WDPCP: variants seen among roughly 807,000 people sequenced by gnomAD.
The protein encoded by WDPCP is WD repeat containing planar cell polarity effector, also known as WD repeat-containing and planar cell polarity effector protein fritz homolog.
Under a neutral mutation model 93.1 loss-of-function variants are expected in WDPCP, and 71 were observed. The ratio of observed to expected loss-of-function variants is 0.76; its 90% CI spans 0.63 to 0.93. The LOEUF (loss-of-function observed/expected upper bound fraction) is 0.93. Among genes scored for constraint, WDPCP ranks in the 40% least tolerant of loss-of-function variants. The pLI is 0.00. For synonymous variants in WDPCP, 315 were observed against 315.0 expected (o/e 1.00, Z 0.00); for missense variants, 844 against 887.4 (o/e 0.95, Z 0.62).
At chr2:63,572,156 C>A (rs536250498) in intron 1 of WDPCP, among the ~76,000 whole-genome samples, 1 of 152,186 alleles carries the variant, frequency 6.6e-6, no homozygotes, top group East Asian at 1.9e-4. Flanking sequence ...CCTTAACCCA[C>A]TGAATACTTT....
At chr2:63,812,821 C>A (rs749039460) in intron 2 of WDPCP, among the ~76,000 whole-genome samples, 2 of 152,048 alleles carry the variant, frequency 1.3e-5, no homozygotes, top group African/African-American at 4.8e-5. Flanking sequence ...TACAGATATT[C>A]CATAATCTAT....
chr2:63,317,127 A>G (rs1037551456), intron 12 of WDPCP, among the ~76,000 whole-genome samples: 2 of 152,334 alleles, frequency 1.3e-5, no homozygotes, highest in Non-Finnish European at 2.9e-5. Context: ...TACAGATTCA[A>G]TGTTATTCCT....
At chr2:63,305,950 G>A (rs1295879290) in intron 13 of WDPCP, among the ~76,000 whole-genome samples, 1 of 152,100 alleles carries the variant, frequency 6.6e-6, no homozygotes, top group Non-Finnish European at 1.5e-5. Flanking sequence ...AAAAATCAAT[G>A]AATCCAGGAC....
chr2:63,316,853 C>T (rs1202240026), intron 12 of WDPCP, among the ~76,000 whole-genome samples: 9 of 152,038 alleles, frequency 5.9e-5, no homozygotes, highest in Non-Finnish European at 7.4e-5. Context: ...GGCAAAGTTG[C>T]AGGATACAAA....
rs767082151 is a variant in WDPCP at position 63,238,002 on chromosome 2, T to TAA, written c.1915+21303_1915+21304dup. Among the ~76,000 whole-genome samples the TAA allele has an allele frequency of 4.0e-4, 56 of 140,378 alleles. No individual in the cohort carries two copies. The South Asian group carries it at 5.2e-3, about 13-fold the overall frequency. 92.1% of individuals were successfully genotyped at this position (140,378 alleles called of 152,430 possible). On this transcript the variant is annotated intron_variant, in intron 14 of 17. Transcript: ENST00000272321. Reference sequence around the variant, plus strand: ...ATGAAAATTAAAAATAAATATTTTCTAAAAAAAAAAACAACAAAATGCAGC... The same window carrying TAA: ...ATGAAAATTAAAAATAAATATTTTCTAAAAAAAAAAAAACAACAAAATGCAGC...
At position 63,153,571 on chromosome 2, in the gene WDPCP, T is replaced by C; in HGVS notation, c.2082A>G (p.Gln694=). Residue 694 remains glutamine, a synonymous_variant, in exon 16 of 18, where the codon CAA becomes CAG. Coordinates refer to ENST00000272321, the MANE Select transcript of WDPCP (RefSeq NM_015910.7). Reference sequence around the variant, plus strand: ...CAAGTTCATTCCTTCTGTCAATTATTTGTCTGCAGTATATGGGTGTTTTTA... The same window carrying C: ...CAAGTTCATTCCTTCTGTCAATTATCTGTCTGCAGTATATGGGTGTTTTTA... ...QRILNGSSNR[Q]IIDRRNELEK... is the part of the protein sequence containing the mutation. 6.2e-7 allele frequency: 1 copy of C among 1,611,886 alleles called. No homozygotes were observed. The highest frequency in any genetic ancestry group is 1.3e-5 in the African/African-American group (1 of 74,978).
intron 13 of WDPCP, among the ~76,000 whole-genome samples, chr2:63,292,282 T>A (rs1033721443): frequency 2.0e-5 from 3 of 151,864 alleles, no homozygotes; most frequent in Admixed American, 1.3e-4. Flanking sequence ...AACCCTGTAA[T>A]AGAATTATCA....
At chr2:63,496,607 C>G (rs951251456) in intron 1 of WDPCP, among the ~76,000 whole-genome samples, 1 of 152,136 alleles carries the variant, frequency 6.6e-6, no homozygotes, top group Non-Finnish European at 1.5e-5. Flanking sequence ...GACTTGTCTT[C>G]CAGCTCAGCA....
chr2:63,374,663 C>T (rs1158269564), intron 12 of WDPCP, among the ~76,000 whole-genome samples: 4 of 152,066 alleles, frequency 2.6e-5, no homozygotes, highest in Admixed American at 1.3e-4. Flanking sequence ...AAGCCATTTC[C>T]AAAAGACTGC....
At chr2:63,535,622 A>G (rs954110605) in intron 1 of WDPCP, among the ~76,000 whole-genome samples, 5 of 152,232 alleles carry the variant, frequency 3.3e-5, no homozygotes, top group Non-Finnish European at 7.3e-5. Flanking sequence ...AGGATTCCCT[A>G]TTACAATAAA....
chr2:63,399,780 C>T (rs944597324), intron 10 of WDPCP, among the ~76,000 whole-genome samples: 2 of 151,776 alleles, frequency 1.3e-5, no homozygotes, highest in African/African-American at 2.4e-5. Flanking sequence ...TGGATTATCT[C>T]GTAATAAATG....
intron 9 of WDPCP, among the ~76,000 whole-genome samples, chr2:63,420,120 T>A (rs1400911633): frequency 6.6e-6 from 1 of 152,036 alleles, no homozygotes; most frequent in Non-Finnish European, 1.5e-5. Flanking sequence ...GTACACTTTA[T>A]TTTTACTTTT....
chr2:63,575,113 C>T (rs976994480), intron 1 of WDPCP, among the ~76,000 whole-genome samples: 3 of 151,542 alleles, frequency 2.0e-5, no homozygotes, highest in Non-Finnish European at 4.4e-5. Context: ...GTAATGCAAC[C>T]TTGAAAAACA....
chr2:63,414,290 G>A (rs565840256), intron 9 of WDPCP, among the ~76,000 whole-genome samples: 1 of 152,224 alleles, frequency 6.6e-6, no homozygotes, highest in African/African-American at 2.4e-5. Context: ...AGAACTAAAA[G>A]TAGAACTACC....
intron 14 of WDPCP, among the ~76,000 whole-genome samples, chr2:63,211,428 A>G (rs1477533781): frequency 6.6e-6 from 1 of 152,234 alleles, no homozygotes; most frequent in Non-Finnish European, 1.5e-5. Flanking sequence ...ACTAACAAAC[A>G]GAAAGGACAT....
chr2:63,184,355 T>C (rs1235749875), intron 14 of WDPCP, among the ~76,000 whole-genome samples: 1 of 152,170 alleles, frequency 6.6e-6, no homozygotes, highest in Non-Finnish European at 1.5e-5. Context: ...ATGGCAAACA[T>C]TGACCATTTT....
At chr2:63,188,264 A>G (rs539699074) in intron 14 of WDPCP, among the ~76,000 whole-genome samples, 12 of 152,114 alleles carry the variant, frequency 7.9e-5, no homozygotes, top group Non-Finnish European at 1.5e-4. Context: ...TGTTTGTTCA[A>G]ATAAGCTCTT....
At chr2:63,284,125 G>A (rs535849171) in intron 13 of WDPCP, among the ~76,000 whole-genome samples, 1 of 152,118 alleles carries the variant, frequency 6.6e-6, no homozygotes, top group Admixed American at 6.5e-5. Context: ...CAGTTTCAAT[G>A]TATTATGGCA....
At chr2:63,292,545 C>G (rs1036906538) in intron 13 of WDPCP, among the ~76,000 whole-genome samples, 1 of 152,074 alleles carries the variant, frequency 6.6e-6, no homozygotes, top group African/African-American at 2.4e-5. Context: ...TCCATTTAGC[C>G]CTTAATCTCA....
Sources: allele counts gnomAD v4.1 joint callset (sites outside exome capture counted in the v4.1 genomes callset), GRCh38; gene constraint gnomAD v4.1.1; transcripts MANE v1.5; gene names NCBI Gene and HGNC (gene_info 2026-07-23, HGNC 2026-07-21).